The following ZNF607 variants were observed in gnomAD, a reference collection of about 807,000 sequenced individuals.
ZNF607 encodes zinc finger protein 607.
Under a neutral mutation model 12.8 loss-of-function variants are expected in ZNF607, and 5 were observed. That is an observed-to-expected ratio of 0.39 (90% CI 0.20 to 0.82). ZNF607 has a LOEUF of 0.82. Ranked by LOEUF, ZNF607 falls within the 40% of genes least tolerant of loss-of-function variation. The pLI, the probability that ZNF607 is intolerant of heterozygous loss-of-function variation, is 0.39. For synonymous variants in ZNF607, 287 were observed against 276.2 expected (o/e 1.04, Z -0.39); for missense variants, 851 against 859.2 (o/e 0.99, Z 0.12).
chr19:37,698,703 G>A lies in ZNF607; in HGVS notation c.1428C>T (p.Pro476=). The A allele has an allele frequency of 6.2e-7, 1 of 1,613,274 alleles. No homozygotes were observed. Among genetic ancestry groups the A allele is most frequent in the Non-Finnish European group, 8.5e-7 (1 of 1,179,442 alleles). ...CCTTCCCACACTCTTGACATACATA[G>A]GGTTTCTCTCCTGTATGAATTCTCT... ...IHERIHTGEK[P]YVCQECGKGF... The change falls in exon 5 of 5, where the codon CCC becomes CCT. Residue 476 remains proline (P), a synonymous_variant. Coordinates refer to ENST00000355202, the MANE Select transcript of ZNF607 (RefSeq NM_032689.5).
At chr19:37,703,330 A>C (rs1475999208) in intron 4 of ZNF607, among the ~76,000 whole-genome samples, 2 of 152,148 alleles carry the variant, frequency 1.3e-5, no homozygotes, top group African/African-American at 4.8e-5. Flanking sequence ...GAGAAACTAA[A>C]TAGAGAAAAA....
chr19:37,697,803 G>T lies in ZNF607; in HGVS notation c.*237C>A. 2.6e-6 allele frequency: 1 copy of T among 389,330 alleles called. No homozygotes were observed. The highest frequency in any genetic ancestry group is 4.5e-6 in the Non-Finnish European group (1 of 220,512). The allele number at this position is 389,330 out of a possible 1,614,324, so 24.1% of individuals were successfully genotyped here. ...AGGAATATCAGAAAAGTTTTCTTAT[G>T]TTATTAAAAAAATACATTATAAATT... is the stretch of plus-strand genomic sequence containing the variant. On this transcript the variant is annotated 3_prime_UTR_variant, in exon 5 of 5. Transcript: ENST00000355202.
chr19:37,706,183 G>C (rs2891657), intron 4 of ZNF607, among the ~76,000 whole-genome samples: 79,529 of 150,932 alleles, frequency 0.53, 21,755 homozygotes, highest in Middle Eastern at 0.66. Context: ...AACAGAGCAA[G>C]ACTCTATCTC....
At position 37,699,015 on chromosome 19, in the gene ZNF607, T is replaced by G. The variant is rs750408322; in HGVS notation, c.1116A>C (p.Lys372Asn). Residue 372 changes from lysine (K) to asparagine (N), a missense_variant, in exon 5 of 5, where the codon AAA becomes AAC. Physicochemically the swap from Lys to Asn is moderately conservative, Grantham distance 94. Coordinates refer to ENST00000355202, the MANE Select transcript of ZNF607 (RefSeq NM_032689.5). ...EKPYKCEECG[K>N]AFSVHGRLTR... ...TAAGTCGTCCATGCACACTAAAGGC[T>G]TTCCCACATTCCTCACACTTATAAG... 1 of 1,612,880 alleles carries G rather than the reference T, an allele frequency of 6.2e-7. No homozygotes were observed. The highest frequency in any genetic ancestry group is 1.7e-4 in the Middle Eastern group (1 of 6,040).
At position 37,697,995 on chromosome 19, in the gene ZNF607, C is replaced by T; in HGVS notation, c.*45G>A. ...TTGTTCAGTGGGATAAATCCATTGACACAATGTGCTTTCTTTACTACCTGT... is the reference window on the plus strand; with the variant it reads ...TTGTTCAGTGGGATAAATCCATTGATACAATGTGCTTTCTTTACTACCTGT... On this transcript the variant is annotated 3_prime_UTR_variant, in exon 5 of 5. Coordinates refer to ENST00000355202, the MANE Select transcript of ZNF607 (RefSeq NM_032689.5). The T allele has an allele frequency of 6.7e-7, 1 of 1,497,538 alleles. No homozygotes were observed. Among genetic ancestry groups the T allele is most frequent in the Non-Finnish European group, 8.9e-7 (1 of 1,122,160 alleles). 92.8% of individuals were successfully genotyped at this position (1,497,538 alleles called of 1,614,324 possible). A position where few individuals can be genotyped will look rare whatever the true frequency, so the allele number is the denominator to read the frequency against.
At chr19:37,709,966 T>A (rs983012597) in intron 2 of ZNF607, 144 bp from the exon 3 acceptor site, 9 of 848,370 alleles carry the variant, frequency 1.1e-5, no homozygotes, top group Admixed American at 2.9e-5. Context: ...ACCATCATGG[T>A]CAACATGGTG....
intron 4 of ZNF607, among the ~76,000 whole-genome samples, chr19:37,704,337 T>A (rs1277574358): frequency 6.6e-6 from 1 of 152,190 alleles, no homozygotes; most frequent in Non-Finnish European, 1.5e-5. Flanking sequence ...ATGTGGAATA[T>A]TTGCCAAGAG....
In ZNF607 at chr19:37,698,883, G is replaced by A. The variant is rs755061742; in HGVS notation, c.1248C>T (p.Thr416=). Residue 416 remains threonine, a synonymous_variant, in exon 5 of 5, where the codon ACC becomes ACT. Transcript: ENST00000355202. ...CCTTACATTTGTAGGGTTTCTCACC[G>A]GTATGAATATTTTGATGTATTTTAA... is the stretch of plus-strand genomic sequence containing the variant. ...SSLKIHQNIH[T]GEKPYKCKEC... 4.6e-5 allele frequency: 75 copies of A among 1,613,400 alleles called. No homozygotes were observed. The Middle Eastern group carries it at 6.6e-4, about 14-fold the overall frequency.
chr19:37,697,092 G>C lies in ZNF607; in HGVS notation c.*948C>G. ...CTCTCCAATGCTGGTGAAGATGCGA[G>C]GAAGCTGGCTAGTGATGGGCCGGAA... On this transcript the variant is annotated 3_prime_UTR_variant, in exon 5 of 5. Transcript: ENST00000355202. The C allele has an allele frequency of 1.3e-6, 1 of 745,594 alleles. No homozygotes were observed. Among genetic ancestry groups the C allele is most frequent in the Non-Finnish European group, 2.5e-6 (1 of 397,704 alleles). 46.2% of individuals were successfully genotyped at this position (745,594 alleles called of 1,614,324 possible). A position where few individuals can be genotyped will look rare whatever the true frequency, so the allele number is the denominator to read the frequency against.
chr19:37,715,259 C>T (rs1308346687), intron 1 of ZNF607, among the ~76,000 whole-genome samples: 1 of 151,280 alleles, frequency 6.6e-6, no homozygotes, highest in South Asian at 2.1e-4. Context: ...CTCATAATTC[C>T]GAATTTACAA....
In ZNF607 at chr19:37,717,066, T is replaced by A. The variant is rs554480462; in HGVS notation, c.-75+2203A>T. On this transcript the variant is annotated intron_variant, in intron 1 of 4. Coordinates refer to ENST00000355202, the MANE Select transcript of ZNF607 (RefSeq NM_032689.5). The stretch of plus-strand genomic sequence containing the variant: ...AGGTCCAATAATTTGGGGCACACAT[T>A]ATATGCTCAGTAAATGTAGCCACAA... 8.5e-5 allele frequency among the ~76,000 whole-genome samples: 13 copies of A among 152,340 alleles called. No homozygotes were observed. The South Asian group carries it at 2.5e-3, about 29-fold the overall frequency.
chr19:37,697,829 C>A lies in ZNF607; in HGVS notation c.*211G>T. The A allele has an allele frequency of 6.8e-6, 3 of 440,962 alleles. No homozygotes were observed. Among genetic ancestry groups the A allele is most frequent in the African/African-American group, 2.0e-5 (1 of 49,476 alleles). The allele number at this position is 440,962 out of a possible 1,614,324, so 27.3% of individuals were successfully genotyped here. On this transcript the variant is annotated 3_prime_UTR_variant, in exon 5 of 5. Transcript: ENST00000355202. Reference sequence around the variant, plus strand: ...TTATTAAAAAAATACATTATAAATTCTCTGAATCTGAGTTAACACAGGTCA... The same window carrying A: ...TTATTAAAAAAATACATTATAAATTATCTGAATCTGAGTTAACACAGGTCA...
chr19:37,706,437 T>C (rs538980262), intron 4 of ZNF607: 1 of 152,330 alleles, frequency 6.6e-6, no homozygotes, highest in South Asian at 2.1e-4. Context: ...GTTCATTGTG[T>C]GCTGTAGCTG....
intron 2 of ZNF607, among the ~76,000 whole-genome samples, chr19:37,710,092 T>G (rs966739804): frequency 6.6e-6 from 1 of 151,874 alleles, no homozygotes; most frequent in African/African-American, 2.4e-5. Flanking sequence ...GAGGCGCAGG[T>G]TGCAGTGAGC....
In ZNF607 at chr19:37,699,283, C is replaced by G. The variant is rs1345145717; in HGVS notation, c.848G>C (p.Cys283Ser). The G allele has an allele frequency of 6.2e-7, 1 of 1,613,950 alleles. No individual in the cohort carries two copies. The highest frequency in any genetic ancestry group is 1.3e-5 in the African/African-American group (1 of 74,892). The change falls in exon 5 of 5, where the codon TGT becomes TCT. Residue 283 changes from cysteine (C) to serine (S), a missense_variant. By Grantham distance (112) the Cys-to-Ser change is moderately radical. Transcript: ENST00000355202. Reference protein sequence around the residue: ...SIHTGEKPHECKECGKAFRQF... With the variant: ...SIHTGEKPHESKECGKAFRQF... ...ACGAAAGGCCTTTCCACATTCCTTA[C>G]ATTCATGTGGCTTCTCTCCAGTATG...
rs571049016 is a variant in ZNF607, at chr19:37,696,810, C to T, written c.*1230G>A. ...AGTCACCCTCAGCAGAGATGATGGC[C>T]GCCTTTTCCACCACAAATCTGGCGC... On this transcript the variant is annotated 3_prime_UTR_variant, in exon 5 of 5. Coordinates refer to ENST00000355202, the MANE Select transcript of ZNF607 (RefSeq NM_032689.5). The T allele has an allele frequency of 1.9e-5, 24 of 1,258,150 alleles. No homozygotes were observed. The highest frequency in any genetic ancestry group is 1.2e-4 in the East Asian group (5 of 42,668). 77.9% of individuals were successfully genotyped at this position (1,258,150 alleles called of 1,614,324 possible).
chr19:37,705,737 T>C (rs1375668929), intron 4 of ZNF607, among the ~76,000 whole-genome samples: 2 of 120,310 alleles, frequency 1.7e-5, no homozygotes, highest in Non-Finnish European at 3.7e-5. Flanking sequence ...CCAAGAAAAA[T>C]ACAAAGCACC....
At chr19:37,711,540 A>G (rs1223563048) in intron 2 of ZNF607, 70 bp downstream of exon 2, 3 of 1,537,740 alleles carry the variant, frequency 2.0e-6, no homozygotes, top group Non-Finnish European at 2.7e-6. Context: ...TTCAGGAAAA[A>G]TGATGAGAAG....
chr19:37,718,007 C>T (rs576264747), intron 1 of ZNF607, among the ~76,000 whole-genome samples: 8 of 152,076 alleles, frequency 5.3e-5, no homozygotes, highest in Admixed American at 2.6e-4. Flanking sequence ...TTAACCATTC[C>T]CATAATCTCG....
Sources: allele counts gnomAD v4.1 joint callset (sites outside exome capture counted in the v4.1 genomes callset), GRCh38; gene constraint gnomAD v4.1.1; transcripts MANE v1.5; gene names NCBI Gene and HGNC (gene_info 2026-07-23, HGNC 2026-07-21).